The following CHFR variants were observed in gnomAD, a reference collection of about 807,000 sequenced individuals.
The protein encoded by CHFR is checkpoint with forkhead and ring finger domains.
A neutral mutation model predicts 87.6 loss-of-function variants in CHFR; 57 were observed. The ratio of observed to expected loss-of-function variants is 0.65; its 90% CI spans 0.53 to 0.81. The LOEUF (loss-of-function observed/expected upper bound fraction) is 0.81, where lower values mean the gene tolerates loss of function less well. Among genes scored for constraint, CHFR ranks in the 30% least tolerant of loss-of-function variants. The probability of loss-of-function intolerance (pLI) is 0.00; values close to 1 mark genes in which losing one functional copy is unlikely to be tolerated. For synonymous variants in CHFR, 381 were observed against 359.2 expected (o/e 1.06, Z -0.69); for missense variants, 797 against 865.8 (o/e 0.92, Z 1.00).
rs1002477975 is a variant in CHFR, at chr12:132,841,375, G to C, written c.*179C>G. On this transcript the variant is annotated 3_prime_UTR_variant, in exon 18 of 18. Transcript: ENST00000450056. ...GCGGGCTGCGGCCCCCGGGGCTCTG[G>C]GGAGGGTCTCACTCAGAGGGTAAAG... is the stretch of plus-strand genomic sequence containing the variant. 4 of 597,028 alleles carry C rather than the reference G, an allele frequency of 6.7e-6. No individual in the cohort carries two copies. The highest frequency in any genetic ancestry group is 1.9e-5 in the African/African-American group (1 of 53,184). 37.0% of individuals were successfully genotyped at this position (597,028 alleles called of 1,614,324 possible). A position where few individuals can be genotyped will look rare whatever the true frequency, so the allele number is the denominator to read the frequency against.
In CHFR at chr12:132,861,412, C is replaced by T. The variant is rs763156029; in HGVS notation, c.751+55G>A. 2.9e-5 allele frequency: 46 copies of T among 1,570,792 alleles called. No individual in the cohort carries two copies. The South Asian group carries it at 3.2e-4, about 11-fold the overall frequency. Reference sequence around the variant, plus strand: ...CAGCACGGAGCATGGCAGCGGCCCCCGCATGCCCCAGGAGCACACGAGAGG... The same window carrying T: ...CAGCACGGAGCATGGCAGCGGCCCCTGCATGCCCCAGGAGCACACGAGAGG... On this transcript the variant is annotated intron_variant, in intron 7 of 17. Coordinates refer to ENST00000450056, the MANE Select transcript of CHFR (RefSeq NM_001161346.2).
In CHFR at chr12:132,866,161, C is replaced by G. The variant is rs893454738; in HGVS notation, c.583+3458G>C. 5.3e-5 allele frequency: 8 copies of G among 152,350 alleles called. No individual in the cohort carries two copies. The East Asian group carries it at 1.3e-3, about 26-fold the overall frequency. 9.4% of individuals were successfully genotyped at this position (152,350 alleles called of 1,614,324 possible). Reference sequence around the variant, plus strand: ...CTGTTCCTCTTATCTCCAGAAATATCAGGTGGAAACTACATAGCACTCACT... The same window carrying G: ...CTGTTCCTCTTATCTCCAGAAATATGAGGTGGAAACTACATAGCACTCACT... On this transcript the variant is annotated intron_variant, in intron 6 of 17. Transcript: ENST00000450056.
intron 11 of CHFR, among the ~76,000 whole-genome samples, chr12:132,853,198 G>C (rs944408294): frequency 1.3e-5 from 2 of 152,196 alleles, no homozygotes; most frequent in African/African-American, 4.8e-5. Flanking sequence ...TTAATTCCCA[G>C]GAGTGTTCAG....
chr12:132,844,475 T>G (rs143077874), intron 15 of CHFR, among the ~76,000 whole-genome samples: 5,124 of 116,612 alleles, frequency 0.044, 512 homozygotes, highest in Non-Finnish European at 0.076. Flanking sequence ...TAGTAGAGAC[T>G]GGGTTTCACC....
At position 132,835,628 on chromosome 12, in the gene CHFR, A is replaced by G. The variant is rs906320665; in HGVS notation, c.*5926T>C. ...CCCACGAGCCAAGGAGACAGACCAA[A>G]GAGGAACCGGCCCCGCTGACACCCT... On this transcript the variant is annotated 3_prime_UTR_variant, in exon 18 of 18. Transcript: ENST00000450056. 7.9e-5 allele frequency: 15 copies of G among 190,934 alleles called. No individual in the cohort carries two copies. The highest frequency in any genetic ancestry group is 1.7e-4 in the Non-Finnish European group (15 of 90,604). 11.8% of individuals were successfully genotyped at this position (190,934 alleles called of 1,614,324 possible).
At chr12:132,884,392 G>A (rs1951838891) in intron 2 of CHFR, among the ~76,000 whole-genome samples, 1 of 146,468 alleles carries the variant, frequency 6.8e-6, no homozygotes, top group Non-Finnish European at 1.5e-5. Flanking sequence ...TACAGCCTGG[G>A]CAATAAGAGC....
At chr12:132,861,354 G>T in intron 7 of CHFR, 113 bp downstream of exon 7, 2 of 1,064,952 alleles carry the variant, frequency 1.9e-6, no homozygotes, top group Non-Finnish European at 2.8e-6. Context: ...CCTGAGGCAG[G>T]GTCCACATGC....
Position 132,839,224 on chromosome 12 carries a change from C to G in CHFR, c.*2330G>C. On this transcript the variant is annotated 3_prime_UTR_variant, in exon 18 of 18. Coordinates refer to ENST00000450056, the MANE Select transcript of CHFR (RefSeq NM_001161346.2). ...TCAACCGATCTCTCTAAGACACAGA[C>G]GCAGGGTAGCCCCAGCCCACTTCAT... The G allele has an allele frequency of 6.2e-6, 1 of 162,312 alleles. No homozygotes were observed. The highest frequency in any genetic ancestry group is 1.9e-4 in the East Asian group (1 of 5,226). 10.1% of individuals were successfully genotyped at this position (162,312 alleles called of 1,614,324 possible).
At position 132,861,523 on chromosome 12, in the gene CHFR, G is replaced by A. The variant is rs141183005; in HGVS notation, c.695C>T (p.Ser232Leu). Residue 232 changes from serine (S) to leucine (L), a missense_variant, in exon 7 of 18, where the codon TCG becomes TTG. Transcript: ENST00000450056. ...LPDRKTASFS[S>L]LEPQDQEDLE... is the part of the protein sequence containing the mutation. ...ATCCTCCTGATCCTGGGGTTCCAAC[G>A]ACGAAAAGGACGCAGTCTTTCTGTC... 349 of 1,614,196 alleles carry A rather than the reference G, an allele frequency of 2.2e-4. 1 individual carries two copies. The Middle Eastern group carries it at 3.5e-3, about 16-fold the overall frequency.
chr12:132,869,104 G>T (rs1173446973), intron 6 of CHFR, among the ~76,000 whole-genome samples: 2 of 15,622 alleles, frequency 1.3e-4, no homozygotes, highest in South Asian at 5.1e-3. Flanking sequence ...AGGGGACATG[G>T]GGAGTGACTG....
rs1225446317 is a variant in CHFR at position 132,847,305 on chromosome 12, C to T, written c.1648-175G>A. ...GTTCACGGCCTGCAGCACGAGAAGT[C>T]TTGTCCAAGAGCCTCCTGGAAGTCC... is the stretch of plus-strand genomic sequence containing the variant. On this transcript the variant is annotated intron_variant, in intron 14 of 17. Coordinates refer to ENST00000450056, the MANE Select transcript of CHFR (RefSeq NM_001161346.2). 10 of 1,368,970 alleles carry T rather than the reference C, an allele frequency of 7.3e-6. No individual in the cohort carries two copies. In the East Asian group the frequency reaches 2.6e-4, roughly 35 times the overall value. 84.8% of individuals were successfully genotyped at this position (1,368,970 alleles called of 1,614,324 possible).
chr12:132,870,598 T>C lies in CHFR; in HGVS notation c.403+126A>G, dbSNP rs1208758569. On this transcript the variant is annotated intron_variant, in intron 5 of 17. Transcript: ENST00000450056. ...TTGCTTGAACCCAGGAGGCGGAGGC[T>C]GCAGTGAGCTGAGATCGCGCCACCG... is the stretch of plus-strand genomic sequence containing the variant. 8.7e-6 allele frequency: 5 copies of C among 576,670 alleles called. No homozygotes were observed. In the South Asian group the frequency reaches 1.3e-4, roughly 15 times the overall value. 35.7% of individuals were successfully genotyped at this position (576,670 alleles called of 1,614,324 possible).
chr12:132,836,786 C>T lies in CHFR; in HGVS notation c.*4768G>A, dbSNP rs150580748. 2 of 455,878 alleles carry T rather than the reference C, an allele frequency of 4.4e-6. No individual in the cohort carries two copies. The highest frequency in any genetic ancestry group is 4.4e-6 in the Non-Finnish European group (1 of 226,772). The allele number at this position is 455,878 out of a possible 1,614,324, so 28.2% of individuals were successfully genotyped here. ...TTGTGCCGCGGGAAAGATTTCAAGC[C>T]CAGGGGACGGCTCATCAGCTCATCA... On this transcript the variant is annotated 3_prime_UTR_variant, in exon 18 of 18. Transcript: ENST00000450056.
chr12:132,858,658 G>A (rs1951138147), intron 8 of CHFR, among the ~76,000 whole-genome samples: 1 of 145,438 alleles, frequency 6.9e-6, no homozygotes, highest in Non-Finnish European at 1.5e-5. Flanking sequence ...AACCCGGGAG[G>A]CTGAGGTTGT....
chr12:132,878,678 G>A (rs974843909), intron 2 of CHFR, among the ~76,000 whole-genome samples: 17 of 151,656 alleles, frequency 1.1e-4, no homozygotes, highest in Admixed American at 8.6e-4. Flanking sequence ...AATTAGCCGG[G>A]CGTGGTGGCG....
chr12:132,856,310 A>G (rs1397000073), intron 10 of CHFR, among the ~76,000 whole-genome samples, 158 bp downstream of exon 10: 3 of 152,076 alleles, frequency 2.0e-5, no homozygotes, highest in Non-Finnish European at 2.9e-5. Flanking sequence ...AATACTATCC[A>G]ATATCAGAAA....
At chr12:132,866,615 TTACAACACACC>T (rs1566193371) in intron 6 of CHFR, 10 of 123,010 alleles carry the variant, frequency 8.1e-5, no homozygotes, top group African/African-American at 2.1e-4. Context: ...CACCAGAAAG[TTACAACACACC>T]GCGTAACACC....
At chr12:132,880,737 C>T (rs1039223869) in intron 2 of CHFR, among the ~76,000 whole-genome samples, 16 of 150,000 alleles carry the variant, frequency 1.1e-4, no homozygotes, top group South Asian at 6.4e-4. Flanking sequence ...GAGGCCGAGG[C>T]GGGCGGATCA....
At chr12:132,862,521 T>C (rs1951236225) in intron 6 of CHFR, 1 of 400,074 alleles carries the variant, frequency 2.5e-6, no homozygotes, top group South Asian at 1.8e-5. Flanking sequence ...AGTGGATCAC[T>C]TGAGCCCGGG....
Sources: allele counts gnomAD v4.1 joint callset (sites outside exome capture counted in the v4.1 genomes callset), GRCh38; gene constraint gnomAD v4.1.1; transcripts MANE v1.5; gene names NCBI Gene and HGNC (gene_info 2026-07-23, HGNC 2026-07-21).